The following AK7 variants were observed in gnomAD, a reference collection of about 807,000 sequenced individuals.
AK7 encodes the protein adenylate kinase 7, also known as ATP-AMP transphosphorylase 7.
In AK7, 78 loss-of-function variants were observed where a neutral mutation model predicts 96.6. That is an observed-to-expected ratio of 0.81 (90% CI 0.67 to 0.97). The LOEUF (loss-of-function observed/expected upper bound fraction) is 0.97, where lower values mean the gene tolerates loss of function less well. Among genes scored for constraint, AK7 ranks in the 50% least tolerant of loss-of-function variants. The probability of loss-of-function intolerance (pLI) is 0.00; values close to 1 mark genes in which losing one functional copy is unlikely to be tolerated. For missense variants in AK7, 855 were observed against 887.9 expected (o/e 0.96, Z 0.47); for synonymous variants, 302 against 317.2 (o/e 0.95, Z 0.51).
chr14:96,458,531 C>A (rs181642023), intron 12 of AK7, among the ~76,000 whole-genome samples: 152 of 152,058 alleles, frequency 1.0e-3, no homozygotes, highest in Non-Finnish European at 1.9e-3. Flanking sequence ...CACCTGAGGT[C>A]ATGAGTTTGA....
At chr14:96,462,272 A>G (rs1894295817) in intron 12 of AK7, among the ~76,000 whole-genome samples, 1 of 152,124 alleles carries the variant, frequency 6.6e-6, no homozygotes, top group Non-Finnish European at 1.5e-5. Context: ...CCCACTTCCT[A>G]CAAGATTGGA....
intron 3 of AK7, among the ~76,000 whole-genome samples, chr14:96,408,183 A>C (rs953894004): frequency 2.6e-5 from 4 of 152,158 alleles, no homozygotes; most frequent in African/African-American, 4.8e-5. Flanking sequence ...TTCACTGAAC[A>C]GGGTTGCCTT....
intron 5 of AK7, among the ~76,000 whole-genome samples, chr14:96,431,665 C>T (rs1429615526): frequency 6.6e-6 from 1 of 152,132 alleles, no homozygotes; most frequent in East Asian, 1.9e-4. Flanking sequence ...CTGAGGAGTG[C>T]TTTACTTCCA....
At chr14:96,438,653 C>T (rs1018050855) in intron 6 of AK7, among the ~76,000 whole-genome samples, 7 of 152,186 alleles carry the variant, frequency 4.6e-5, no homozygotes, top group Admixed American at 1.3e-4. Context: ...GGTAGCCCCT[C>T]GTGAAGCTCT....
At chr14:96,480,101 C>A (rs1302392840) in intron 15 of AK7, among the ~76,000 whole-genome samples, 1 of 152,110 alleles carries the variant, frequency 6.6e-6, no homozygotes, top group Non-Finnish European at 1.5e-5. Context: ...TTTGTTATTC[C>A]TACCAACACT....
At chr14:96,423,014 C>T (rs551274329) in intron 5 of AK7, among the ~76,000 whole-genome samples, 92 of 152,266 alleles carry the variant, frequency 6.0e-4, no homozygotes, top group African/African-American at 2.1e-3. Flanking sequence ...GCTTTTCTTA[C>T]CCCCATGAAG....
chr14:96,421,053 C>A, intron 5 of AK7, 121 bp downstream of exon 5: 1 of 611,960 alleles, frequency 1.6e-6, no homozygotes, highest in Non-Finnish European at 2.8e-6. Context: ...ATACACTGTC[C>A]TTAGGGGTCC....
intron 12 of AK7, among the ~76,000 whole-genome samples, chr14:96,470,549 C>T (rs1285295887): frequency 6.6e-6 from 1 of 152,118 alleles, no homozygotes; most frequent in Non-Finnish European, 1.5e-5. Flanking sequence ...CCTCCCTCCT[C>T]ATCCTTCCCA....
chr14:96,480,007 A>G (rs1341031755), intron 15 of AK7, among the ~76,000 whole-genome samples: 2 of 152,216 alleles, frequency 1.3e-5, no homozygotes, highest in African/African-American at 4.8e-5. Flanking sequence ...TAGGAAAATA[A>G]TCAGGCTTGC....
chr14:96,447,711 A>G (rs1218075913), intron 8 of AK7, among the ~76,000 whole-genome samples: 1 of 149,834 alleles, frequency 6.7e-6, no homozygotes, highest in African/African-American at 2.4e-5. Context: ...TGCAACCTCA[A>G]ACTCCTGGGC....
intron 1 of AK7, among the ~76,000 whole-genome samples, chr14:96,394,393 C>T (rs1359512850): frequency 6.6e-6 from 1 of 152,020 alleles, no homozygotes; most frequent in Non-Finnish European, 1.5e-5. Flanking sequence ...ATCTTAGAGT[C>T]AATGAATGTG....
intron 4 of AK7, among the ~76,000 whole-genome samples, chr14:96,419,996 C>T (rs1337759668): frequency 1.3e-5 from 2 of 150,798 alleles, no homozygotes; most frequent in African/African-American, 4.9e-5. Context: ...ATCATGTTAG[C>T]CAGGCTGGTC....
chr14:96,424,644 T>G (rs1891920429), intron 5 of AK7, among the ~76,000 whole-genome samples: 1 of 152,138 alleles, frequency 6.6e-6, no homozygotes, highest in Non-Finnish European at 1.5e-5. Flanking sequence ...AAAAACACTT[T>G]ACCAATACAA....
intron 15 of AK7, among the ~76,000 whole-genome samples, chr14:96,480,686 G>A (rs370387446): frequency 6.6e-6 from 1 of 152,126 alleles, no homozygotes; most frequent in East Asian, 1.9e-4. Flanking sequence ...CCCAAAAACT[G>A]TTTATAGGAA....
At chr14:96,438,947 A>G (rs1380074341) in intron 6 of AK7, among the ~76,000 whole-genome samples, 1 of 152,174 alleles carries the variant, frequency 6.6e-6, no homozygotes, top group African/African-American at 2.4e-5. Context: ...AAACATAGTA[A>G]AGGATAACTT....
intron 1 of AK7, among the ~76,000 whole-genome samples, chr14:96,394,175 G>C (rs1889922667): frequency 1.3e-5 from 2 of 152,026 alleles, no homozygotes; most frequent in Admixed American, 6.6e-5. Context: ...AGAGAAAATA[G>C]TTCTCAGAGG....
intron 5 of AK7, among the ~76,000 whole-genome samples, chr14:96,424,704 T>G (rs1057057773): frequency 1.3e-5 from 2 of 152,242 alleles, no homozygotes; most frequent in Admixed American, 6.5e-5. Flanking sequence ...TTAGGAATTC[T>G]AGCCCTTTTT....
intron 10 of AK7, among the ~76,000 whole-genome samples, chr14:96,455,792 TGAACCAG>T (rs1783141356): frequency 6.6e-6 from 1 of 152,154 alleles, no homozygotes. Context: ...TGAATGGACA[TGAACCAG>T]AACATGAACT....
chr14:96,402,348 A>G (rs1009534456), intron 2 of AK7, among the ~76,000 whole-genome samples: 2 of 152,238 alleles, frequency 1.3e-5, no homozygotes, highest in African/African-American at 4.8e-5. Flanking sequence ...CCATCGGGTC[A>G]GGACAACCAT....
Sources: allele counts gnomAD v4.1 joint callset (sites outside exome capture counted in the v4.1 genomes callset), GRCh38; gene constraint gnomAD v4.1.1; transcripts MANE v1.5; gene names NCBI Gene and HGNC (gene_info 2026-07-23, HGNC 2026-07-21).